The following CDH20 variants were observed in gnomAD, a reference collection of about 807,000 sequenced individuals.
CDH20 encodes the protein cadherin 20.
In CDH20, 29 loss-of-function variants were observed where a neutral mutation model predicts 74.2. That is an observed-to-expected ratio of 0.39 (90% CI 0.29 to 0.53). The LOEUF is 0.53. Ranked by LOEUF, CDH20 falls within the 20% of genes least tolerant of loss-of-function variation. CDH20 has a pLI of 0.69. For synonymous variants in CDH20, 469 were observed against 405.4 expected, an observed-to-expected ratio of 1.16 and a Z score of -1.88; for missense variants, 988 against 1,048.3, an observed-to-expected ratio of 0.94 and a Z score of 0.79.
In CDH20 at chr18:61,538,605, T is replaced by G. The variant is rs113035486; in HGVS notation, c.1409-419T>G. The stretch of plus-strand genomic sequence containing the variant: ...TTTTGTTTGTTTGTTTGTTTTTGTT[T>G]TTGTTTTTGTTTTTGTTTTGTTTTT... On this transcript the variant is annotated intron_variant, in intron 8 of 11. Coordinates refer to ENST00000262717, the MANE Select transcript of CDH20 (RefSeq NM_031891.4). Among the ~76,000 whole-genome samples the G allele has an allele frequency of 8.5e-4, 34 of 40,232 alleles. 3 individuals are homozygous for G. The highest frequency in any genetic ancestry group is 3.2e-3 in the African/African-American group (30 of 9,410). The allele number at this position is 40,232 out of a possible 152,430, so 26.4% of individuals were successfully genotyped here.
chr18:61,475,026 A>T (rs1910318691), intron 1 of CDH20, among the ~76,000 whole-genome samples: 1 of 152,130 alleles, frequency 6.6e-6, no homozygotes, highest in South Asian at 2.1e-4. Context: ...AGGTCCTGTC[A>T]AGTATAGATT....
chr18:61,409,738 G>C (rs569657060), intron 1 of CDH20, among the ~76,000 whole-genome samples: 1 of 152,280 alleles, frequency 6.6e-6, no homozygotes, highest in East Asian at 1.9e-4. Context: ...ACATAACGTA[G>C]TACATTAACT....
At chr18:61,369,310 G>C (rs1432459064) in intron 1 of CDH20, among the ~76,000 whole-genome samples, 1 of 152,128 alleles carries the variant, frequency 6.6e-6, no homozygotes, top group East Asian at 1.9e-4. Context: ...TTCACTCCAT[G>C]CAGCTTCCCT....
Position 61,536,594 on chromosome 18 carries a change from C to T in CDH20, c.1373C>T (p.Ser458Phe), listed in dbSNP as rs1912826018. The T allele has an allele frequency of 6.2e-7, 1 of 1,613,922 alleles. No homozygotes were observed. The highest frequency in any genetic ancestry group is 8.5e-7 in the Non-Finnish European group (1 of 1,179,844). Reference sequence around the variant, plus strand: ...AGACCCCTAGACCGGGAAGAATTTTCTTGGCATAATATCACTGTCCTTGCT... The same window carrying T: ...AGACCCCTAGACCGGGAAGAATTTTTTTGGCATAATATCACTGTCCTTGCT... ...TARPLDREEF[S>F]WHNITVLAME... Residue 458 changes from serine to phenylalanine, a missense_variant, in exon 8 of 12, where the codon TCT (serine) becomes TTT (phenylalanine). Around this residue, in one of 2 missense-constraint regions of CDH20, gnomAD observed 613 missense variants for 755.2 expected, o/e 0.81. Transcript: ENST00000262717.
intron 5 of CDH20, among the ~76,000 whole-genome samples, chr18:61,506,309 CAG>C (rs1435210493): frequency 6.6e-6 from 1 of 152,136 alleles, no homozygotes; most frequent in Admixed American, 6.5e-5. Flanking sequence ...AATTCCCTGC[CAG>C]CTTAGTACAA....
In CDH20 at chr18:61,370,074, A is replaced by G. The variant is rs539842690; in HGVS notation, c.-153+36247A>G. Among the ~76,000 whole-genome samples, 7 of 152,288 alleles carry G rather than the reference A, an allele frequency of 4.6e-5. No individual in the cohort carries two copies. The East Asian group carries it at 5.8e-4, about 13-fold the overall frequency. ...GCCTCTCAACTTAAAAATAAAAGTT[A>G]GATAAAAATAAAGTAAAATAAATTT... is the stretch of plus-strand genomic sequence containing the variant. On this transcript the variant is annotated intron_variant, in intron 1 of 11. Transcript: ENST00000262717.
chr18:61,451,459 A>G (rs189473515), intron 1 of CDH20, among the ~76,000 whole-genome samples: 17 of 152,242 alleles, frequency 1.1e-4, no homozygotes, highest in Admixed American at 2.0e-4. Flanking sequence ...ACTGCCCTGC[A>G]TCTCTTCCCA....
In CDH20 at chr18:61,555,004, G is replaced by T. The variant is rs1042965502; in HGVS notation, c.*309G>T. 2.1e-5 allele frequency: 25 copies of T among 1,199,900 alleles called. No individual in the cohort carries two copies. In the African/African-American group the frequency reaches 3.4e-4, roughly 16 times the overall value. 74.3% of individuals were successfully genotyped at this position (1,199,900 alleles called of 1,614,324 possible). A position where few individuals can be genotyped will look rare whatever the true frequency, so the allele number is the denominator to read the frequency against. On this transcript the variant is annotated 3_prime_UTR_variant, in exon 12 of 12. Coordinates refer to ENST00000262717, the MANE Select transcript of CDH20 (RefSeq NM_031891.4). The stretch of plus-strand genomic sequence containing the variant: ...CAAGGGTGGCTTTTCTCTGCCATTC[G>T]CTAAGGCCTTTGTCACTTTTCCACC...
rs542837037 is a variant in CDH20 at position 61,390,831 on chromosome 18, A to G, written c.-153+57004A>G. On this transcript the variant is annotated intron_variant, in intron 1 of 11. Coordinates refer to ENST00000262717, the MANE Select transcript of CDH20 (RefSeq NM_031891.4). ...CTAAATAAATAAGTATCCCTCCCTT[A>G]CTCCTCACACTGAATTCCAAATACA... 1.1e-4 allele frequency among the ~76,000 whole-genome samples: 17 copies of G among 152,266 alleles called. No individual in the cohort carries two copies. In the South Asian group the frequency reaches 3.5e-3, roughly 32 times the overall value.
intron 1 of CDH20, among the ~76,000 whole-genome samples, chr18:61,448,732 A>G (rs1244252210): frequency 1.3e-5 from 2 of 152,290 alleles, no homozygotes; most frequent in Non-Finnish European, 2.9e-5. Flanking sequence ...TATCCTGCCA[A>G]TTTGGTGACA....
At chr18:61,435,503 G>C (rs1169732157) in intron 1 of CDH20, among the ~76,000 whole-genome samples, 3 of 152,006 alleles carry the variant, frequency 2.0e-5, no homozygotes, top group Admixed American at 6.6e-5. Context: ...TACAGGCCAG[G>C]CATAATGCTA....
rs1038059799 is a variant in CDH20 at position 61,521,478 on chromosome 18, G to A, written c.1018-6489G>A. Among the ~76,000 whole-genome samples the A allele has an allele frequency of 3.3e-5, 5 of 151,180 alleles. 1 individual carries two copies. Among genetic ancestry groups the A allele is most frequent in the African/African-American group, 7.4e-5 (3 of 40,646 alleles). On this transcript the variant is annotated intron_variant, in intron 6 of 11. Coordinates refer to ENST00000262717, the MANE Select transcript of CDH20 (RefSeq NM_031891.4). ...CCCAGGATGATACAGATTCACAGCC[G>A]AATTCTACCAGAGGTACAATGAGGA...
chr18:61,490,296 TC>T, intron 1 of CDH20, 105 bp from the exon 2 acceptor site: 1 of 414,612 alleles, frequency 2.4e-6, no homozygotes. Context: ...ACTTTTTAAC[TC>T]ATTGAGTAGA....
rs550175461 is a variant in CDH20, at chr18:61,532,048, T to C, written c.1271+3828T>C. 9.2e-5 allele frequency among the ~76,000 whole-genome samples: 14 copies of C among 152,330 alleles called. No individual in the cohort carries two copies. In the South Asian group the frequency reaches 2.5e-3, roughly 27 times the overall value. On this transcript the variant is annotated intron_variant, in intron 7 of 11. Transcript: ENST00000262717. The stretch of plus-strand genomic sequence containing the variant: ...TCTTGTTTCCTTAGACAATCTCTTA[T>C]AGACTATGTGTCAATAAGGCAGCAT...
intron 1 of CDH20, among the ~76,000 whole-genome samples, chr18:61,432,381 G>A (rs28480482): frequency 0.13 from 19,422 of 151,670 alleles, 1,296 homozygotes; most frequent in East Asian, 0.19. Flanking sequence ...TTCTTACTCC[G>A]TCCCCATCCA....
Position 61,374,894 on chromosome 18 carries a change from C to T in CDH20, c.-153+41067C>T, listed in dbSNP as rs139208289. On this transcript the variant is annotated intron_variant, in intron 1 of 11. Transcript: ENST00000262717. ...ATTTTATCATTTGTCAGTTTCCTCA[C>T]CCAATTTACATGTCTTTAGCAATCT... Among the ~76,000 whole-genome samples the T allele has an allele frequency of 2.2e-3, 337 of 152,248 alleles. 3 individuals carry two copies. Among genetic ancestry groups the T allele is most frequent in the African/African-American group, 7.8e-3 (326 of 41,552 alleles).
intron 1 of CDH20, among the ~76,000 whole-genome samples, chr18:61,430,516 T>A (rs2144294821): frequency 6.6e-6 from 1 of 152,326 alleles, no homozygotes; most frequent in South Asian, 2.1e-4. Context: ...AGGAAGTTAC[T>A]CTGAAGCCCA....
At chr18:61,490,868 G>A in intron 2 of CDH20, 69 bp downstream of exon 2, 2 of 1,537,156 alleles carry the variant, frequency 1.3e-6, no homozygotes, top group African/African-American at 2.7e-5. Flanking sequence ...GAGTATCAAA[G>A]TTGACCTAGC....
chr18:61,357,740 G>GC (rs915437651), intron 1 of CDH20, among the ~76,000 whole-genome samples: 3 of 151,302 alleles, frequency 2.0e-5, no homozygotes, highest in Non-Finnish European at 4.4e-5. Flanking sequence ...TCAACTGTTT[G>GC]TTTTTTTTTA....
Sources: gnomAD v4.1 joint callset for allele counts (sites outside exome capture counted in the v4.1 genomes callset) on GRCh38, gnomAD v4.1.1 for gene constraint, gnomAD v4.1.1 regional missense constraint, MANE v1.5 for transcripts, NCBI Gene and HGNC (gene_info 2026-07-23, HGNC 2026-07-21) for gene names.